The following SHISA9 variants were observed in gnomAD, a reference collection of about 807,000 sequenced individuals.
The protein encoded by SHISA9 is shisa family member 9.
SHISA9 carries 13 observed loss-of-function variants against 38.0 expected under a neutral mutation model. That is an observed-to-expected ratio of 0.34 (90% confidence interval 0.22 to 0.54). SHISA9 has a LOEUF of 0.54. SHISA9 is among the 20% of genes least tolerant of loss of function. The pLI is 0.91. For missense variants in SHISA9, 538 were observed against 575.8 expected (o/e 0.93, Z 0.67); for synonymous variants, 275 against 242.0 (o/e 1.14, Z -1.27).
intron 2 of SHISA9, among the ~76,000 whole-genome samples, chr16:12,969,712 A>T (rs554339007): frequency 6.6e-6 from 1 of 152,128 alleles, no homozygotes; most frequent in Admixed American, 6.5e-5. Flanking sequence ...GTGCCATTGC[A>T]CTCTAGCCTG....
chr16:13,536,847 G>A, the SHISA9 span, among the ~76,000 whole-genome samples: 21 of 152,298 alleles, frequency 1.4e-4, no homozygotes, highest in Admixed American at 5.9e-4. Context: ...TCGTTGAGAA[G>A]TTATTAATGG....
At chr16:13,048,781 G>A (rs2073215906) in intron 2 of SHISA9, among the ~76,000 whole-genome samples, 1 of 152,130 alleles carries the variant, frequency 6.6e-6, no homozygotes. Flanking sequence ...AAGAAGTTCT[G>A]TTCTAAGACA....
chr16:13,189,364 GGCAGCTTA>G (rs1291022365), intron 2 of SHISA9, among the ~76,000 whole-genome samples: 2 of 152,166 alleles, frequency 1.3e-5, no homozygotes. Flanking sequence ...ATGTGCTAGG[GGCAGCTTA>G]GCTTGACGGA....
the SHISA9 span, among the ~76,000 whole-genome samples, chr16:13,507,124 C>A: frequency 1.1e-3 from 167 of 152,092 alleles, 3 homozygotes; most frequent in South Asian, 2.7e-3. Flanking sequence ...TTCACACTTA[C>A]ATTTCAGGCA....
In SHISA9 at chr16:12,972,116, AAAT is replaced by A. The variant is rs565350270; in HGVS notation, c.691+55304_691+55306del. Among the ~76,000 whole-genome samples the A allele has an allele frequency of 4.1e-3, 627 of 151,926 alleles. 5 individuals carry two copies. The highest frequency in any genetic ancestry group is 0.011 in the African/African-American group (469 of 41,464). ...GCAAGTGGAGGAAAAATGTAAATAA[AAAT>A]AAATAATGATAAATAAAGGTAAATA... On this transcript the variant is annotated intron_variant, in intron 2 of 4. Transcript: ENST00000558583.
chr16:13,340,126 A>G, the SHISA9 span, among the ~76,000 whole-genome samples: 1 of 152,122 alleles, frequency 6.6e-6, no homozygotes. Flanking sequence ...AATAATTGCT[A>G]CCTCTTGGGA....
At chr16:12,994,990 C>T (rs561882938) in intron 2 of SHISA9, among the ~76,000 whole-genome samples, 7 of 151,708 alleles carry the variant, frequency 4.6e-5, no homozygotes, top group African/African-American at 7.3e-5. Flanking sequence ...GCTTTTTTAT[C>T]GCATGTAAAC....
chr16:13,243,966 T>A (rs1426218841), downstream of SHISA9, among the ~76,000 whole-genome samples: 2 of 151,984 alleles, frequency 1.3e-5, no homozygotes, highest in South Asian at 2.1e-4. Flanking sequence ...AGAGATGGGG[T>A]TTCACCATGT....
the SHISA9 span, among the ~76,000 whole-genome samples, chr16:13,290,145 A>G: frequency 6.6e-6 from 1 of 152,232 alleles, no homozygotes; most frequent in Non-Finnish European, 1.5e-5. Flanking sequence ...GTAAAAATTT[A>G]GAGCCCATTT....
chr16:13,416,628 C>T, the SHISA9 span, among the ~76,000 whole-genome samples: 5 of 152,020 alleles, frequency 3.3e-5, no homozygotes, highest in African/African-American at 9.7e-5. Context: ...AGGAGGATTG[C>T]TTGAATCCAG....
chr16:12,907,807 A>G (rs2071122715), intron 1 of SHISA9, among the ~76,000 whole-genome samples: 1 of 152,144 alleles, frequency 6.6e-6, no homozygotes, highest in African/African-American at 2.4e-5. Flanking sequence ...GTCTGGTGAC[A>G]TTGGATCTGC....
At chr16:13,198,279 C>T (rs1363225603) in intron 2 of SHISA9, among the ~76,000 whole-genome samples, 1 of 91,634 alleles carries the variant, frequency 1.1e-5, no homozygotes, top group Admixed American at 1.0e-4. Context: ...TACATATATA[C>T]TTGTGTGTAT....
intron 2 of SHISA9, among the ~76,000 whole-genome samples, chr16:13,018,107 A>G (rs1174211642): frequency 6.6e-6 from 1 of 152,174 alleles, no homozygotes; most frequent in Non-Finnish European, 1.5e-5. Flanking sequence ...CCCGACAGGG[A>G]TGGTGACTTC....
chr16:13,023,628 T>C (rs1056952222), intron 2 of SHISA9, among the ~76,000 whole-genome samples: 2 of 152,186 alleles, frequency 1.3e-5, no homozygotes, highest in African/African-American at 4.8e-5. Context: ...TAATTTACAC[T>C]CCCATCAACA....
intron 2 of SHISA9, among the ~76,000 whole-genome samples, chr16:13,061,609 C>T (rs1473953357): frequency 2.6e-5 from 4 of 152,124 alleles, no homozygotes; most frequent in Non-Finnish European, 4.4e-5. Flanking sequence ...CTAGTATATG[C>T]AGGGTACTGT....
chr16:13,277,982 T>TACTA, the SHISA9 span, among the ~76,000 whole-genome samples: 3 of 152,084 alleles, frequency 2.0e-5, no homozygotes, highest in Non-Finnish European at 4.4e-5. Context: ...GTGGGCCTCC[T>TACTA]TGTCTTGTTC....
chr16:13,362,231 C>T, the SHISA9 span, among the ~76,000 whole-genome samples: 1 of 123,630 alleles, frequency 8.1e-6, no homozygotes, highest in African/African-American at 3.0e-5. Flanking sequence ...AAAAAAAAAG[C>T]AAAACCAAAC....
chr16:13,221,805 G>C (rs982875760), intron 4 of SHISA9, among the ~76,000 whole-genome samples: 1 of 152,130 alleles, frequency 6.6e-6, no homozygotes, highest in Non-Finnish European at 1.5e-5. Flanking sequence ...TGTCTTAGCA[G>C]TCCTCTCCCA....
the SHISA9 span, among the ~76,000 whole-genome samples, chr16:13,383,329 A>G: frequency 1.3e-5 from 2 of 152,220 alleles, no homozygotes; most frequent in African/African-American, 4.8e-5. Context: ...GTGTGTGTAA[A>G]ATACAAGATA....
Sources: allele counts gnomAD v4.1 joint callset (sites outside exome capture counted in the v4.1 genomes callset), GRCh38; gene constraint gnomAD v4.1.1; transcripts MANE v1.5; gene names NCBI Gene and HGNC (gene_info 2026-07-23, HGNC 2026-07-21).